COL19A1: variants seen among roughly 807,000 people sequenced by gnomAD.
The protein encoded by COL19A1 is collagen type XIX alpha 1 chain.
Under a neutral mutation model 190.2 loss-of-function variants are expected in COL19A1, and 159 were observed. The observed-to-expected ratio is 0.84, with a 90% CI of 0.73 to 0.95. The LOEUF (loss-of-function observed/expected upper bound fraction) is 0.95, where lower values mean the gene tolerates loss of function less well. Ranked by LOEUF, COL19A1 falls within the 40% of genes least tolerant of loss-of-function variation. COL19A1 has a pLI of 0.00. For missense variants in COL19A1, 1,418 were observed against 1,431.9 expected, an observed-to-expected ratio of 0.99 and a Z score of 0.16; for synonymous variants, 509 against 458.9, an observed-to-expected ratio of 1.11 and a Z score of -1.39.
At chr6:70,013,653 C>A (rs1778027772) in intron 11 of COL19A1, among the ~76,000 whole-genome samples, 1 of 12,318 alleles carries the variant, frequency 8.1e-5, no homozygotes, top group South Asian at 7.8e-3. Context: ...TCTCCCAAGA[C>A]TAAACCAGGA....
Position 70,111,812 on chromosome 6 carries a change from C to A in COL19A1, c.1278+9590C>A, listed in dbSNP as rs373777482. The stretch of plus-strand genomic sequence containing the variant: ...GCACAACCTATAGATAAGGGAGAGA[C>A]CTTAACATCACACATTTGAGTTGAA... On this transcript the variant is annotated intron_variant, in intron 16 of 50. Coordinates refer to ENST00000620364, the MANE Select transcript of COL19A1 (RefSeq NM_001858.6). Among the ~76,000 whole-genome samples the A allele has an allele frequency of 2.2e-4, 34 of 152,252 alleles. No homozygotes were observed. In the South Asian group the frequency reaches 6.4e-3, roughly 29 times the overall value.
chr6:70,196,087 T>A (rs10081064), intron 48 of COL19A1, among the ~76,000 whole-genome samples: 8,541 of 152,254 alleles, frequency 0.056, 441 homozygotes, highest in African/African-American at 0.13. Flanking sequence ...TGGGTCATAA[T>A]GAACCACAAA....
chr6:70,074,209 T>C (rs967137234), intron 15 of COL19A1, among the ~76,000 whole-genome samples: 4 of 151,780 alleles, frequency 2.6e-5, no homozygotes, highest in African/African-American at 9.7e-5. Context: ...ATAATAATAA[T>C]AGTGTTTCAT....
At chr6:69,986,074 CTT>C (rs930824295) in intron 11 of COL19A1, among the ~76,000 whole-genome samples, 9 of 151,858 alleles carry the variant, frequency 5.9e-5, no homozygotes, top group African/African-American at 2.2e-4. Context: ...ATAAAGAACT[CTT>C]TCTTTTTCAG....
At chr6:70,149,175 G>A (rs560593158) in intron 27 of COL19A1, among the ~76,000 whole-genome samples, 55 of 152,098 alleles carry the variant, frequency 3.6e-4, no homozygotes, top group African/African-American at 1.1e-3. Flanking sequence ...ACCTAAGAGC[G>A]GTACAACTAC....
intron 14 of COL19A1, among the ~76,000 whole-genome samples, chr6:70,055,785 A>AT (rs1780464188): frequency 6.9e-6 from 1 of 144,050 alleles, no homozygotes; most frequent in African/African-American, 2.6e-5. Context: ...CTGTATTAAA[A>AT]AAAAAAAAAA....
At chr6:70,153,771 T>G (rs72916783) in intron 31 of COL19A1, among the ~76,000 whole-genome samples, 11,390 of 151,620 alleles carry the variant, frequency 0.075, 689 homozygotes, top group East Asian at 0.18. Flanking sequence ...TGTCTCTTTA[T>G]CTTCATAGTT....
At position 69,899,310 on chromosome 6, in the gene COL19A1, A is replaced by G. The variant is rs868084109; in HGVS notation, c.166+288A>G. Reference sequence around the variant, plus strand: ...CTCCCAAGTAGCTGGGACTACAGGCACATGGCTATTTTTTGTATTTTTGGT... The same window carrying G: ...CTCCCAAGTAGCTGGGACTACAGGCGCATGGCTATTTTTTGTATTTTTGGT... On this transcript the variant is annotated intron_variant, in intron 3 of 50. Coordinates refer to ENST00000620364, the MANE Select transcript of COL19A1 (RefSeq NM_001858.6). Among the ~76,000 whole-genome samples, 24 of 152,086 alleles carry G rather than the reference A, an allele frequency of 1.6e-4. 1 individual carries two copies. The highest frequency in any genetic ancestry group is 5.5e-4 in the African/African-American group (23 of 41,510).
chr6:69,914,053 T>C (rs779657949), intron 4 of COL19A1, among the ~76,000 whole-genome samples: 1 of 152,146 alleles, frequency 6.6e-6, no homozygotes, highest in Non-Finnish European at 1.5e-5. Flanking sequence ...TAATTTATCC[T>C]TGGTTTTTGT....
intron 41 of COL19A1, among the ~76,000 whole-genome samples, chr6:70,176,098 C>T (rs901491963): frequency 4.6e-5 from 7 of 151,934 alleles, no homozygotes; most frequent in African/African-American, 1.7e-4. Flanking sequence ...TTTATTCTAA[C>T]TCTATATCCA....
At chr6:70,090,834 T>C (rs890911539) in intron 15 of COL19A1, among the ~76,000 whole-genome samples, 2 of 152,158 alleles carry the variant, frequency 1.3e-5, no homozygotes, top group Middle Eastern at 3.2e-3. Context: ...TAATCTGGCC[T>C]GCCTGCCACC....
At chr6:69,983,259 T>C (rs1405197312) in intron 11 of COL19A1, among the ~76,000 whole-genome samples, 1 of 152,076 alleles carries the variant, frequency 6.6e-6, no homozygotes, top group Admixed American at 6.5e-5. Flanking sequence ...TGACTAGGTA[T>C]TTGACGTTTT....
In COL19A1 at chr6:70,195,540, G is replaced by T. The variant is rs901100790; in HGVS notation, c.3095-4068G>T. On this transcript the variant is annotated intron_variant, in intron 48 of 50. Transcript: ENST00000620364. ...GTTTGGAAGCCTGAGTCTCAATGGA[G>T]TCTGGGCTCCTCCATGCAGAGGCAG... 3.9e-5 allele frequency among the ~76,000 whole-genome samples: 6 copies of T among 152,168 alleles called. No homozygotes were observed. In the East Asian group the frequency reaches 1.2e-3, roughly 29 times the overall value.
At chr6:70,009,433 A>AG (rs1173073850) in intron 11 of COL19A1, among the ~76,000 whole-genome samples, 1 of 152,106 alleles carries the variant, frequency 6.6e-6, no homozygotes, top group Non-Finnish European at 1.5e-5. Flanking sequence ...TGACTAAAAA[A>AG]CATTGCTAAA....
At chr6:69,921,793 C>T (rs567462335) in intron 4 of COL19A1, among the ~76,000 whole-genome samples, 1 of 146,936 alleles carries the variant, frequency 6.8e-6, no homozygotes, top group South Asian at 2.2e-4. Flanking sequence ...TATGTAGATT[C>T]GTATATGTAT....
At chr6:69,884,506 CAT>C (rs1721962887) in intron 2 of COL19A1, among the ~76,000 whole-genome samples, 2 of 152,142 alleles carry the variant, frequency 1.3e-5, no homozygotes, top group African/African-American at 2.4e-5. Flanking sequence ...TGTTTAAGCA[CAT>C]GTTTAAAACT....
intron 11 of COL19A1, among the ~76,000 whole-genome samples, chr6:70,001,464 T>A (rs1019167872): frequency 6.6e-6 from 1 of 152,208 alleles, no homozygotes; most frequent in Non-Finnish European, 1.5e-5. Context: ...TTGGTCAGTA[T>A]GGCCATTTTC....
chr6:70,009,143 G>T (rs1777826865), intron 11 of COL19A1, among the ~76,000 whole-genome samples: 1 of 151,874 alleles, frequency 6.6e-6, no homozygotes, highest in Non-Finnish European at 1.5e-5. Context: ...TATCCTGGAG[G>T]TTCTAGCCAG....
At chr6:70,164,200 A>G (rs1178856635) in intron 36 of COL19A1, among the ~76,000 whole-genome samples, 2 of 152,208 alleles carry the variant, frequency 1.3e-5, no homozygotes, top group Non-Finnish European at 2.9e-5. Flanking sequence ...ATGGGTTGCC[A>G]TGGTCAGAAA....
Sources: gnomAD v4.1 joint callset for allele counts (sites outside exome capture counted in the v4.1 genomes callset) on GRCh38, gnomAD v4.1.1 for gene constraint, MANE v1.5 for transcripts, NCBI Gene and HGNC (gene_info 2026-07-23, HGNC 2026-07-21) for gene names.